BEND6: variants seen among roughly 807,000 people sequenced by gnomAD.
BEND6 encodes BEN domain containing 6.
BEND6 carries 24 observed loss-of-function variants against 31.8 expected under a neutral mutation model. The ratio of observed to expected loss-of-function variants is 0.75; its 90% CI spans 0.55 to 1.06. The LOEUF (loss-of-function observed/expected upper bound fraction) is 1.06. BEND6 is among the 50% of genes least tolerant of loss of function. The pLI is 0.00. For synonymous variants in BEND6, 109 were observed against 114.6 expected (o/e 0.95, Z 0.31); for missense variants, 294 against 327.4 (o/e 0.90, Z 0.79).
At chr6:57,016,057 C>T (rs1337204143) in intron 4 of BEND6, among the ~76,000 whole-genome samples, 3 of 152,006 alleles carry the variant, frequency 2.0e-5, no homozygotes, top group African/African-American at 4.8e-5. Context: ...AATTCTCATA[C>T]CAGTGACAGA....
intron 1 of BEND6, among the ~76,000 whole-genome samples, chr6:56,962,051 T>C (rs993690387): frequency 1.9e-4 from 29 of 152,332 alleles, no homozygotes; most frequent in East Asian, 5.8e-4. Flanking sequence ...TCTGCCCTCA[T>C]GAATGGATTA....
intron 1 of BEND6, among the ~76,000 whole-genome samples, chr6:56,974,432 T>C (rs1435120151): frequency 6.6e-6 from 1 of 152,204 alleles, no homozygotes; most frequent in African/African-American, 2.4e-5. Context: ...TTTTTAAAAG[T>C]CAACATAACA....
intron 1 of BEND6, among the ~76,000 whole-genome samples, chr6:56,965,037 G>A (rs1235948058): frequency 3.9e-5 from 6 of 152,202 alleles, no homozygotes; most frequent in African/African-American, 1.4e-4. Context: ...TACACTGAGA[G>A]AAGATGGCCT....
intron 6 of BEND6, among the ~76,000 whole-genome samples, chr6:57,019,342 C>T (rs761382640): frequency 1.3e-5 from 2 of 152,114 alleles, no homozygotes; most frequent in Non-Finnish European, 2.9e-5. Context: ...TACGTGAAAC[C>T]ATGTGTATGA....
chr6:56,964,814 C>G (rs1000873448), intron 1 of BEND6, among the ~76,000 whole-genome samples: 1 of 152,198 alleles, frequency 6.6e-6, no homozygotes, highest in Non-Finnish European at 1.5e-5. Flanking sequence ...GTCTTTGACA[C>G]TTCTGAACCT....
chr6:57,001,315 C>G (rs911086851), intron 3 of BEND6, among the ~76,000 whole-genome samples: 3 of 151,982 alleles, frequency 2.0e-5, no homozygotes, highest in Admixed American at 6.6e-5. Flanking sequence ...AAGCATGCAC[C>G]ACAATGCCTG....
At chr6:56,981,168 A>C (rs987772210) in intron 1 of BEND6, among the ~76,000 whole-genome samples, 9 of 152,098 alleles carry the variant, frequency 5.9e-5, no homozygotes, top group African/African-American at 2.2e-4. Context: ...TGAAAATACT[A>C]TTGCCCTTGA....
At chr6:57,004,624 C>T (rs1212150988) in intron 3 of BEND6, 6 of 1,088,420 alleles carry the variant, frequency 5.5e-6, no homozygotes, top group Non-Finnish European at 8.4e-6. Flanking sequence ...AGCTCTACCC[C>T]TCCTACGTGG....
intron 3 of BEND6, chr6:57,009,481 T>C (rs1414731269): frequency 1.3e-5 from 2 of 152,170 alleles, no homozygotes; most frequent in Non-Finnish European, 1.5e-5. Context: ...AAACAGGAAC[T>C]CAATAGCCAA....
intron 6 of BEND6, among the ~76,000 whole-genome samples, chr6:57,023,219 G>T (rs1290453911): frequency 6.6e-6 from 1 of 152,102 alleles, no homozygotes; most frequent in East Asian, 1.9e-4. Flanking sequence ...TGAGAGTGAG[G>T]TGTTGAAGTT....
At chr6:56,983,057 A>G (rs910875996) in intron 2 of BEND6, among the ~76,000 whole-genome samples, 13 of 152,144 alleles carry the variant, frequency 8.5e-5, no homozygotes, top group African/African-American at 3.1e-4. Context: ...TTACTATTTA[A>G]TACAAACCAC....
intron 3 of BEND6, among the ~76,000 whole-genome samples, chr6:56,994,182 G>A (rs1280259517): frequency 5.9e-5 from 9 of 151,882 alleles, no homozygotes; most frequent in South Asian, 4.2e-4. Context: ...AATCTTGGCC[G>A]GGCGCAGTGG....
In BEND6 at chr6:56,955,419, T is replaced by A. The variant is rs918503676; in HGVS notation, c.-142T>A. 2.0e-5 allele frequency: 3 copies of A among 152,218 alleles called. No individual in the cohort carries two copies. Among genetic ancestry groups the A allele is most frequent in the African/African-American group, 4.8e-5 (2 of 41,520 alleles). 9.4% of individuals were successfully genotyped at this position (152,218 alleles called of 1,614,324 possible). A position where few individuals can be genotyped will look rare whatever the true frequency, so the allele number is the denominator to read the frequency against. ...TGCTACCCTCCACCTCCCACCTCCC[T>A]GCGCCCCGCCCCGAGGTTGGGGCTT... On this transcript the variant is annotated 5_prime_UTR_variant, in exon 1 of 7. Transcript: ENST00000370746.
intron 6 of BEND6, among the ~76,000 whole-genome samples, chr6:57,020,844 T>TG (rs938719629): frequency 1.3e-5 from 2 of 150,998 alleles, no homozygotes; most frequent in Non-Finnish European, 1.5e-5. Flanking sequence ...TTTTTTTTTT[T>TG]TTTTTTTTTT....
chr6:56,987,135 G>A (rs1237823038), intron 2 of BEND6, among the ~76,000 whole-genome samples: 3 of 151,832 alleles, frequency 2.0e-5, no homozygotes, highest in Non-Finnish European at 2.9e-5. Flanking sequence ...GAGCCACCAC[G>A]CCTGGCTAAT....
In BEND6 at chr6:56,970,270, C is replaced by G. The variant is rs148151344; in HGVS notation, c.-100-11441C>G. 3.6e-3 allele frequency among the ~76,000 whole-genome samples: 555 copies of G among 152,108 alleles called. 5 individuals are homozygous for G. The highest frequency in any genetic ancestry group is 0.013 in the African/African-American group (535 of 41,474). On this transcript the variant is annotated intron_variant, in intron 1 of 6. Coordinates refer to ENST00000370746, the MANE Select transcript of BEND6 (RefSeq NM_152731.3). Reference sequence around the variant, plus strand: ...AGTGCAGTGGCATGATCTCGGCTCTCTACAACCTCCGCCTCCCAGGTTCAA... The same window carrying G: ...AGTGCAGTGGCATGATCTCGGCTCTGTACAACCTCCGCCTCCCAGGTTCAA...
In BEND6 at chr6:57,015,120, C is replaced by T; in HGVS notation, c.299-13C>T. 2 of 1,607,226 alleles carry T rather than the reference C, an allele frequency of 1.2e-6. No homozygotes were observed. The highest frequency in any genetic ancestry group is 8.5e-7 in the Non-Finnish European group (1 of 1,174,966). On this transcript the variant is annotated splice_polypyrimidine_tract_variant and intron_variant, in intron 3 of 6. Transcript: ENST00000370746. Reference sequence around the variant, plus strand: ...ATGGTATTTGTAAAGTGTACTTTTTCTTGCCATTTTAGTGTTACCACAAGC... The same window carrying T: ...ATGGTATTTGTAAAGTGTACTTTTTTTTGCCATTTTAGTGTTACCACAAGC...
chr6:57,009,949 A>T (rs1827289089), intron 3 of BEND6: 1 of 151,578 alleles, frequency 6.6e-6, no homozygotes, highest in Non-Finnish European at 1.5e-5. Flanking sequence ...CAAACAGTTG[A>T]TAAGAGGAAC....
intron 1 of BEND6, among the ~76,000 whole-genome samples, chr6:56,965,359 A>T (rs1460407780): frequency 6.6e-6 from 1 of 152,154 alleles, no homozygotes; most frequent in Non-Finnish European, 1.5e-5. Context: ...AACTTTTGAT[A>T]GTATAAAATT....
Sources: allele counts gnomAD v4.1 joint callset (sites outside exome capture counted in the v4.1 genomes callset), GRCh38; gene constraint gnomAD v4.1.1; transcripts MANE v1.5; gene names NCBI Gene and HGNC (gene_info 2026-07-23, HGNC 2026-07-21).